Variants in GRAMD1B observed in about 807,000 individuals in gnomAD.
The protein encoded by GRAMD1B is GRAM domain containing 1B, also known as protein Aster-B.
A neutral mutation model predicts 99.7 loss-of-function variants in GRAMD1B; 37 were observed. That is an observed-to-expected ratio of 0.37 (90% CI 0.29 to 0.49). GRAMD1B has a LOEUF of 0.49. GRAMD1B is among the 20% of genes least tolerant of loss of function. GRAMD1B has a pLI of 0.98. For synonymous variants in GRAMD1B, 427 were observed against 387.6 expected (o/e 1.10, Z -1.19); for missense variants, 888 against 1,009.2 (o/e 0.88, Z 1.63).
At chr11:123,582,367 C>T (rs1032707269) in intron 3 of GRAMD1B, among the ~76,000 whole-genome samples, 9 of 152,200 alleles carry the variant, frequency 5.9e-5, no homozygotes, top group East Asian at 1.9e-4. Context: ...CCCATGTGGC[C>T]GCACCTTTGT....
chr11:123,605,993 A>T (rs934237905), intron 10 of GRAMD1B, among the ~76,000 whole-genome samples: 1 of 152,158 alleles, frequency 6.6e-6, no homozygotes, highest in South Asian at 2.1e-4. Flanking sequence ...AGGAGGTAGA[A>T]CCTTGATGAG....
intron 19 of GRAMD1B, among the ~76,000 whole-genome samples, chr11:123,619,875 G>A (rs1954906779): frequency 6.6e-6 from 1 of 152,162 alleles, no homozygotes; most frequent in South Asian, 2.1e-4. Context: ...TAGAGAGCAG[G>A]AATCTGCCTT....
intron 1 of GRAMD1B, among the ~76,000 whole-genome samples, chr11:123,405,361 C>A (rs1947819876): frequency 6.6e-6 from 1 of 152,168 alleles, no homozygotes; most frequent in African/African-American, 2.4e-5. Context: ...CTGGCTGCCA[C>A]CATCCTCCCC....
chr11:123,570,421 CTTTTTTTTTTTT>C (rs755038860), intron 2 of GRAMD1B, among the ~76,000 whole-genome samples: 29 of 130,578 alleles, frequency 2.2e-4, no homozygotes, highest in African/African-American at 8.2e-4. Context: ...TTTTTCTTTT[CTTTTTTTTTTTT>C]TTTTTTTTGA....
intron 1 of GRAMD1B, among the ~76,000 whole-genome samples, chr11:123,412,583 T>C (rs1565482482): frequency 6.6e-6 from 1 of 152,144 alleles, no homozygotes; most frequent in Non-Finnish European, 1.5e-5. Context: ...AGGAGCAGGA[T>C]TGTAAGGTCA....
intron 11 of GRAMD1B, among the ~76,000 whole-genome samples, chr11:123,607,621 T>A (rs12273622): frequency 0.016 from 2,437 of 152,304 alleles, 55 homozygotes; most frequent in African/African-American, 0.056. Flanking sequence ...GCCTTTCACA[T>A]AAACTAAGGT....
chr11:123,368,462 C>T (rs1033902040), intron 1 of GRAMD1B, among the ~76,000 whole-genome samples: 32 of 151,326 alleles, frequency 2.1e-4, no homozygotes, highest in African/African-American at 7.8e-4. Flanking sequence ...GGGCTGATTG[C>T]TTGAGGCCAG....
chr11:123,460,856 C>G (rs928436117), intron 1 of GRAMD1B, among the ~76,000 whole-genome samples: 2 of 152,168 alleles, frequency 1.3e-5, no homozygotes, highest in African/African-American at 4.8e-5. Flanking sequence ...CCTGCTCCTA[C>G]GTTTCCTTTG....
At chr11:123,560,071 C>CG (rs1555072915) in intron 2 of GRAMD1B, among the ~76,000 whole-genome samples, 3 of 150,614 alleles carry the variant, frequency 2.0e-5, no homozygotes, top group Admixed American at 2.0e-4. Context: ...AATAACCCCC[C>CG]CCCCCGCAGC....
chr11:123,453,016 C>A (rs912085125), intron 1 of GRAMD1B, among the ~76,000 whole-genome samples: 1 of 152,116 alleles, frequency 6.6e-6, no homozygotes, highest in African/African-American at 2.4e-5. Flanking sequence ...TTCCTCATAA[C>A]CATGGAGAAT....
rs1591772451 is a variant in GRAMD1B, at chr11:123,513,601, C to CTTTCTTT, written c.452+32708_452+32709insTTTCTTT. On this transcript the variant is annotated intron_variant, in intron 2 of 19. Coordinates refer to ENST00000635736, the MANE Select transcript of GRAMD1B (RefSeq NM_001387025.1). ...CCTTTCCTTCCTTCCTTCCTTCCTT[C>CTTTCTTT]CTTCCTTCCTTCCTTCCTTTCTTTC... Among the ~76,000 whole-genome samples, 64 of 37,372 alleles carry CTTTCTTT rather than the reference C, an allele frequency of 1.7e-3. 1 individual carries two copies. Among genetic ancestry groups the CTTTCTTT allele is most frequent in the Middle Eastern group, 0.017 (1 of 60 alleles). The allele number at this position is 37,372 out of a possible 152,430, so 24.5% of individuals were successfully genotyped here.
chr11:123,391,916 C>G (rs1475624108), intron 1 of GRAMD1B, among the ~76,000 whole-genome samples: 1 of 152,142 alleles, frequency 6.6e-6, no homozygotes, highest in Non-Finnish European at 1.5e-5. Flanking sequence ...AACAGAGGAG[C>G]AAGTACATTT....
At chr11:123,428,160 C>G (rs527852449), upstream of GRAMD1B, among the ~76,000 whole-genome samples, 51 of 152,258 alleles carry the variant, frequency 3.3e-4, no homozygotes, top group South Asian at 2.3e-3. Flanking sequence ...TCTTCTATGT[C>G]AAGAGCCCGC....
intron 2 of GRAMD1B, among the ~76,000 whole-genome samples, chr11:123,509,245 T>C (rs1940739414): frequency 6.6e-6 from 1 of 152,174 alleles, no homozygotes; most frequent in South Asian, 2.1e-4. Context: ...AAATGGGAGC[T>C]GAAGCTGTAA....
At chr11:123,369,083 C>T (rs1218111967) in intron 1 of GRAMD1B, among the ~76,000 whole-genome samples, 1 of 152,108 alleles carries the variant, frequency 6.6e-6, no homozygotes, top group African/African-American at 2.4e-5. Context: ...TCACTTGAGG[C>T]TGGGAGTTTA....
At chr11:123,388,698 C>CAA (rs1565466448) in intron 1 of GRAMD1B, among the ~76,000 whole-genome samples, 1 of 151,684 alleles carries the variant, frequency 6.6e-6, no homozygotes, top group African/African-American at 2.4e-5. Flanking sequence ...AACAAACAAA[C>CAA]AAACAAACAA....
At chr11:123,405,083 CAGAG>C (rs150231480) in intron 1 of GRAMD1B, among the ~76,000 whole-genome samples, 2 of 149,296 alleles carry the variant, frequency 1.3e-5, no homozygotes, top group Admixed American at 1.3e-4. Context: ...TAGCAAGAGA[CAGAG>C]AGAGAGAGAG....
chr11:123,466,000 G>C (rs1476683945), intron 1 of GRAMD1B, among the ~76,000 whole-genome samples: 1 of 152,090 alleles, frequency 6.6e-6, no homozygotes, highest in East Asian at 1.9e-4. Context: ...TTTGGGCTGG[G>C]CATGGTGGCT....
chr11:123,469,331 GGAGTGGGGCCA>G, intron 1 of GRAMD1B, among the ~76,000 whole-genome samples: 1 of 152,272 alleles, frequency 6.6e-6, no homozygotes, highest in Admixed American at 6.5e-5. Context: ...AGGATAGACT[GGAGTGGGGCCA>G]GAGTGGCAAT....
Sources: gnomAD v4.1 joint callset for allele counts (sites outside exome capture counted in the v4.1 genomes callset) on GRCh38, gnomAD v4.1.1 for gene constraint, MANE v1.5 for transcripts, NCBI Gene and HGNC (gene_info 2026-07-23, HGNC 2026-07-21) for gene names.